SGPP2: variants seen among roughly 807,000 people sequenced by gnomAD.
SGPP2 encodes the protein sphingosine-1-phosphate phosphatase 2, also known as sphingosine 1-phosphate phosphohydrolase 2.
In SGPP2, 30 loss-of-function variants were observed where a neutral mutation model predicts 33.9. That is an observed-to-expected ratio of 0.89 (90% CI 0.66 to 1.20). The LOEUF is 1.20. Among genes scored for constraint, SGPP2 ranks in the 50% most tolerant of loss-of-function variants. The pLI, the probability that SGPP2 is intolerant of heterozygous loss-of-function variation, is 0.00. For missense variants in SGPP2, 458 were observed against 532.1 expected (o/e 0.86, Z 1.37); for synonymous variants, 233 against 225.0 (o/e 1.04, Z -0.32).
In SGPP2 at chr2:222,559,171, CCCCCG is replaced by C. The variant is rs200324242; in HGVS notation, c.*277_*281del. Reference sequence around the variant, plus strand: ...AAAGGCACACACCGCGCCCCCCCCCCCCCCGCCCGGCCCCTGCTCCTCTCGCTGTT... The same window carrying C: ...AAAGGCACACACCGCGCCCCCCCCCCCCCGGCCCCTGCTCCTCTCGCTGTT... On this transcript the variant is annotated 3_prime_UTR_variant, in exon 5 of 5. Transcript: ENST00000321276. 5,854 of 101,382 alleles carry C rather than the reference CCCCCG, an allele frequency of 0.058. 900 individuals carry two copies. The highest frequency in any genetic ancestry group is 0.12 in the African/African-American group (2,609 of 21,378). The allele number at this position is 101,382 out of a possible 1,614,324, so 6.3% of individuals were successfully genotyped here. A position where few individuals can be genotyped will look rare whatever the true frequency, so the allele number is the denominator to read the frequency against.
At chr2:222,424,503 C>G (rs987482687), upstream of SGPP2, 3 of 859,434 alleles carry the variant, frequency 3.5e-6, no homozygotes, top group Non-Finnish European at 4.5e-6. Context: ...GGCCTCCGCC[C>G]GGAGTGCGGG....
chr2:222,496,906 A>T (rs575545924), intron 2 of SGPP2, among the ~76,000 whole-genome samples: 5 of 152,306 alleles, frequency 3.3e-5, no homozygotes, highest in African/African-American at 1.2e-4. Flanking sequence ...TGGGTAACAT[A>T]AATAAAGGCT....
intron 1 of SGPP2, among the ~76,000 whole-genome samples, chr2:222,451,771 T>C (rs1697492820): frequency 6.6e-6 from 1 of 152,244 alleles, no homozygotes; most frequent in South Asian, 2.1e-4. Flanking sequence ...AAAAATATTT[T>C]TTCATGTTTG....
chr2:222,552,128 G>C (rs1689303368), intron 4 of SGPP2, among the ~76,000 whole-genome samples: 1 of 152,172 alleles, frequency 6.6e-6, no homozygotes, highest in East Asian at 1.9e-4. Flanking sequence ...CATTTGGGTT[G>C]GTTCCACATT....
intron 2 of SGPP2, among the ~76,000 whole-genome samples, chr2:222,518,143 C>T (rs1574873475): frequency 6.6e-6 from 1 of 152,162 alleles, no homozygotes; most frequent in Non-Finnish European, 1.5e-5. Flanking sequence ...AAAAATGTAG[C>T]TCTATTTTCT....
intron 2 of SGPP2, among the ~76,000 whole-genome samples, chr2:222,492,734 A>G (rs1379709233): frequency 6.6e-6 from 1 of 152,188 alleles, no homozygotes; most frequent in African/African-American, 2.4e-5. Context: ...TTCCTATGGC[A>G]TTGTCAGGCT....
chr2:222,431,832 T>C (rs914001414), intron 1 of SGPP2, among the ~76,000 whole-genome samples: 8 of 152,170 alleles, frequency 5.3e-5, no homozygotes, highest in African/African-American at 1.9e-4. Context: ...ATCCTACCAG[T>C]GCCCCCACTT....
chr2:222,510,245 G>A (rs986212222), intron 2 of SGPP2, among the ~76,000 whole-genome samples: 1 of 152,202 alleles, frequency 6.6e-6, no homozygotes, highest in African/African-American at 2.4e-5. Context: ...ACACCTAGGA[G>A]TGGAATGGAT....
chr2:222,501,332 T>G (rs1487494247), intron 2 of SGPP2, among the ~76,000 whole-genome samples: 1 of 151,734 alleles, frequency 6.6e-6, no homozygotes, highest in African/African-American at 2.4e-5. Context: ...ACTTATTTTT[T>G]TTTGAGTGAT....
intron 4 of SGPP2, among the ~76,000 whole-genome samples, chr2:222,548,762 A>T (rs745774348): frequency 6.6e-6 from 1 of 152,188 alleles, no homozygotes; most frequent in Admixed American, 6.5e-5. Flanking sequence ...TGCTAATTAC[A>T]TGTAGGTTTC....
intron 2 of SGPP2, among the ~76,000 whole-genome samples, chr2:222,513,097 T>C (rs946084483): frequency 1.8e-4 from 27 of 152,232 alleles, no homozygotes; most frequent in African/African-American, 6.5e-4. Flanking sequence ...CTATAAGCAA[T>C]GAATGAGAGT....
At chr2:222,546,699 T>G (rs1424774784) in intron 4 of SGPP2, among the ~76,000 whole-genome samples, 1 of 152,082 alleles carries the variant, frequency 6.6e-6, no homozygotes, top group Non-Finnish European at 1.5e-5. Flanking sequence ...TACAAAGAAT[T>G]TCCAGATTTT....
chr2:222,519,528 T>C (rs1260675768), intron 2 of SGPP2, among the ~76,000 whole-genome samples: 2 of 152,252 alleles, frequency 1.3e-5, no homozygotes, highest in African/African-American at 4.8e-5. Flanking sequence ...TCCTATTCAC[T>C]TTTAGAGGGT....
rs1697968021 is a variant in SGPP2 at position 222,477,686 on chromosome 2, TG to T, written c.378+2961del. On this transcript the variant is annotated intron_variant, in intron 2 of 4. Coordinates refer to ENST00000321276, the MANE Select transcript of SGPP2 (RefSeq NM_152386.4). The surrounding 1 kb of genome is among the most constrained non-coding windows in gnomAD (Gnocchi z 6.0). ...TACATTACACAGGAATATCTTATAA[TG>T]TGTTTGATCTGCTCATGGCCAATTA... Among the ~76,000 whole-genome samples the T allele has an allele frequency of 6.6e-6, 1 of 152,014 alleles. No homozygotes were observed. The highest frequency in any genetic ancestry group is 1.5e-5 in the Non-Finnish European group (1 of 67,986).
At chr2:222,528,003 T>C (rs1698785930) in intron 4 of SGPP2, among the ~76,000 whole-genome samples, 2 of 152,140 alleles carry the variant, frequency 1.3e-5, no homozygotes, top group African/African-American at 4.8e-5. Context: ...CACTGCTGAT[T>C]ACCTGACATG....
intron 4 of SGPP2, among the ~76,000 whole-genome samples, chr2:222,526,449 G>A (rs1318665195): frequency 6.6e-6 from 1 of 152,214 alleles, no homozygotes; most frequent in East Asian, 1.9e-4. Flanking sequence ...GAGATGGAGG[G>A]AAGGAGGGGA....
At chr2:222,490,901 TTGTAACCC>T (rs1282641264) in intron 2 of SGPP2, among the ~76,000 whole-genome samples, 2 of 152,190 alleles carry the variant, frequency 1.3e-5, no homozygotes, top group African/African-American at 4.8e-5. Flanking sequence ...TTGGTTCGTC[TTGTAACCC>T]TGAACATAAT....
In SGPP2 at chr2:222,559,012, G is replaced by A. The variant is rs555498347; in HGVS notation, c.*114G>A. 3.9e-5 allele frequency: 39 copies of A among 1,008,944 alleles called. No homozygotes were observed. The South Asian group carries it at 5.6e-4, about 15-fold the overall frequency. 62.5% of individuals were successfully genotyped at this position (1,008,944 alleles called of 1,614,324 possible). A position where few individuals can be genotyped will look rare whatever the true frequency, so the allele number is the denominator to read the frequency against. ...CTTTAACAACAACAAAAAGTCATACGGCTGTCTTGCTACTACCAGATAAAT... is the reference window on the plus strand; with the variant it reads ...CTTTAACAACAACAAAAAGTCATACAGCTGTCTTGCTACTACCAGATAAAT... On this transcript the variant is annotated 3_prime_UTR_variant, in exon 5 of 5. Transcript: ENST00000321276.
chr2:222,450,466 T>G (rs554517455), intron 1 of SGPP2, among the ~76,000 whole-genome samples: 18 of 152,358 alleles, frequency 1.2e-4, no homozygotes, highest in African/African-American at 4.3e-4. Context: ...TTAGTTTCTA[T>G]GGATATCATT....
Sources: gnomAD v4.1 joint callset for allele counts (sites outside exome capture counted in the v4.1 genomes callset) on GRCh38, gnomAD v4.1.1 for gene constraint, Gnocchi (gnomAD v3.1) non-coding constraint, MANE v1.5 for transcripts, NCBI Gene and HGNC (gene_info 2026-07-23, HGNC 2026-07-21) for gene names.